RNF19A: variants seen among roughly 807,000 people sequenced by gnomAD.
RNF19A encodes ring finger protein 19A, RBR E3 ubiquitin protein ligase.
A neutral mutation model predicts 75.7 loss-of-function variants in RNF19A; 32 were observed. That is an observed-to-expected ratio of 0.42 (90% CI 0.32 to 0.57). The LOEUF (loss-of-function observed/expected upper bound fraction) is 0.57, where lower values mean the gene tolerates loss of function less well. Ranked by LOEUF, RNF19A falls within the 20% of genes least tolerant of loss-of-function variation. The pLI is 0.10. For synonymous variants in RNF19A, 335 were observed against 345.2 expected (o/e 0.97, Z 0.33); for missense variants, 782 against 1,036.3 (o/e 0.75, Z 3.37).
rs1554675608 is a variant in RNF19A at position 100,317,127 on chromosome 8, G to GCCACACGCAGCCCAGCCCGGGTTC, written c.-242-3756_-242-3755insGAACCCGGGCTGGGCTGCGTGTGG. Among the ~76,000 whole-genome samples the GCCACACGCAGCCCAGCCCGGGTTC allele has an allele frequency of 1.3e-5, 2 of 151,382 alleles. No individual in the cohort carries two copies. Among genetic ancestry groups the GCCACACGCAGCCCAGCCCGGGTTC allele is most frequent in the East Asian group, 3.9e-4 (2 of 5,068 alleles). On this transcript the variant is annotated intron_variant, in intron 1 of 3. Coordinates refer to the RNF19A transcript ENST00000519527. This position sits in a 1 kb window ranked among gnomAD's most constrained non-coding sequence, Gnocchi z 4.3. ...CCGGAACTCCAGCTGGCCCGCAAGC[G>GCCACACGCAGCCCAGCCCGGGTTC]CCGCACGCAGCCCAGCCCGGGTTCC...
chr8:100,274,932 G>A (rs1820430084), intron 3 of RNF19A, 21 bp downstream of exon 3: 1 of 1,558,270 alleles, frequency 6.4e-7, no homozygotes. Context: ...TATTTTATTA[G>A]AAAAAATTAG....
At position 100,269,658 on chromosome 8, in the gene RNF19A, C is replaced by T. The variant is rs1261033922; in HGVS notation, c.1028+211G>A. ...CATACTTACTAGCATTCTAGTTTAA[C>T]AAAAACAAAAAAAGGAAATATCCAT... On this transcript the variant is annotated intron_variant, in intron 4 of 9. Transcript: ENST00000341084. The surrounding 1 kb of genome is among the most constrained non-coding windows in gnomAD (Gnocchi z 5.7). 6.6e-6 allele frequency among the ~76,000 whole-genome samples: 1 copy of T among 151,722 alleles called. No individual in the cohort carries two copies. Among genetic ancestry groups the T allele is most frequent in the Non-Finnish European group, 1.5e-5 (1 of 67,850 alleles).
Position 100,329,625 on chromosome 8 carries a change from G to C in RNF19A, c.-243+6483C>G, listed in dbSNP as rs1172740667. ...ACATGCAAACTAGCATGAATCCAAA[G>C]ACAGACAACTAGGTTAAGAGAAGTC... On this transcript the variant is annotated intron_variant, in intron 1 of 3. Coordinates refer to the RNF19A transcript ENST00000519527. The surrounding 1 kb of genome is among the most constrained non-coding windows in gnomAD (Gnocchi z 4.3). Among the ~76,000 whole-genome samples the C allele has an allele frequency of 6.6e-6, 1 of 152,184 alleles. No homozygotes were observed. The highest frequency in any genetic ancestry group is 1.5e-5 in the Non-Finnish European group (1 of 68,032).
intron 1 of RNF19A, among the ~76,000 whole-genome samples, chr8:100,304,418 C>T (rs1455244136): frequency 2.0e-5 from 3 of 152,060 alleles, no homozygotes; most frequent in African/African-American, 4.8e-5. Flanking sequence ...CATCATATAC[C>T]CTAAGATAAC....
rs1788183 is a variant in RNF19A, at chr8:100,322,690, C to A, written c.-242-9318G>T. Among the ~76,000 whole-genome samples the A allele has an allele frequency of 0.46, 70,461 of 152,050 alleles. 17,292 individuals carry two copies. The highest frequency in any genetic ancestry group is 0.64 in the African/African-American group (26,424 of 41,478). ...TTAATCATTTCTTGTTTTTTGGTTT[C>A]AAGTGAGAGGCATGCAACTCTTCCT... On this transcript the variant is annotated intron_variant, in intron 1 of 3. Coordinates refer to the RNF19A transcript ENST00000519527. The surrounding 1 kb of genome is among the most constrained non-coding windows in gnomAD (Gnocchi z 5.1).
At chr8:100,313,004 A>G (rs1024268910), upstream of RNF19A, among the ~76,000 whole-genome samples, 3 of 152,324 alleles carry the variant, frequency 2.0e-5, no homozygotes, top group Middle Eastern at 3.4e-3. Flanking sequence ...AAGGTTGGAA[A>G]CCACTGCCAG....
Position 100,264,341 on chromosome 8 carries a change from G to C in RNF19A, c.1307-146C>G, listed in dbSNP as rs1819870225. 17 of 694,828 alleles carry C rather than the reference G, an allele frequency of 2.4e-5. No homozygotes were observed. Among genetic ancestry groups the C allele is most frequent in the Non-Finnish European group, 3.7e-5 (16 of 431,154 alleles). 43.0% of individuals were successfully genotyped at this position (694,828 alleles called of 1,614,324 possible). On this transcript the variant is annotated intron_variant, in intron 6 of 9. Coordinates refer to ENST00000341084, the MANE Select transcript of RNF19A (RefSeq NM_183419.4). This position sits in a 1 kb window ranked among gnomAD's most constrained non-coding sequence, Gnocchi z 4.7. The stretch of plus-strand genomic sequence containing the variant: ...TTGGCTGGAACATTTGCCAAAAGTA[G>C]ATTTACCCAGTTGTTAAGCAAATTC...
At chr8:100,311,528 C>CT (rs1822292420), upstream of RNF19A, among the ~76,000 whole-genome samples, 1 of 151,922 alleles carries the variant, frequency 6.6e-6, no homozygotes, top group African/African-American at 2.4e-5. Flanking sequence ...ACCATCCTGG[C>CT]TAACATAGTG....
Position 100,317,256 on chromosome 8 carries a change from G to T in RNF19A, c.-242-3884C>A, listed in dbSNP as rs1436934633. 2.7e-5 allele frequency among the ~76,000 whole-genome samples: 4 copies of T among 149,606 alleles called. No homozygotes were observed. Among genetic ancestry groups the T allele is most frequent in the Non-Finnish European group, 4.5e-5 (3 of 66,926 alleles). On this transcript the variant is annotated intron_variant, in intron 1 of 3. Coordinates refer to the RNF19A transcript ENST00000519527. This position sits in a 1 kb window ranked among gnomAD's most constrained non-coding sequence, Gnocchi z 4.3. ...TCACAGTGCAGTGGTGGGCTGAAGG[G>T]CTCCTCAAATGCCGCCAAAGTGGGA...
At chr8:100,319,971 G>A (rs551441310) in intron 1 of RNF19A, among the ~76,000 whole-genome samples, 1 of 150,784 alleles carries the variant, frequency 6.6e-6, no homozygotes, top group East Asian at 1.9e-4. Context: ...AAGTAGCTGG[G>A]ATTACAGGTG....
At chr8:100,276,910 G>A (rs990540304) in intron 2 of RNF19A, among the ~76,000 whole-genome samples, 1 of 151,908 alleles carries the variant, frequency 6.6e-6, no homozygotes, top group South Asian at 2.1e-4. Flanking sequence ...TTGGTAGATT[G>A]TGTCTATGCC....
In RNF19A at chr8:100,284,514, T is replaced by C. The variant is rs1037421279; in HGVS notation, c.674+2987A>G. The stretch of plus-strand genomic sequence containing the variant: ...ACCAATAACACCAAAAATTAATGTA[T>C]GGCCAAATTAATCACGGACAATTAT... On this transcript the variant is annotated intron_variant, in intron 2 of 9. Coordinates refer to ENST00000341084, the MANE Select transcript of RNF19A (RefSeq NM_183419.4). This position sits in a 1 kb window ranked among gnomAD's most constrained non-coding sequence, Gnocchi z 4.3. Among the ~76,000 whole-genome samples, 7 of 152,278 alleles carry C rather than the reference T, an allele frequency of 4.6e-5. No individual in the cohort carries two copies. The highest frequency in any genetic ancestry group is 1.7e-4 in the African/African-American group (7 of 41,576).
At position 100,324,385 on chromosome 8, in the gene RNF19A, C is replaced by T. The variant is rs1369335572; in HGVS notation, c.-242-11013G>A. Among the ~76,000 whole-genome samples the T allele has an allele frequency of 6.6e-6, 1 of 152,192 alleles. No homozygotes were observed. The highest frequency in any genetic ancestry group is 2.4e-5 in the African/African-American group (1 of 41,456). The stretch of plus-strand genomic sequence containing the variant: ...GATGATTAATCACAAAGAAGTATTT[C>T]TTTTGTTTCCACCTTAATATTTACT... On this transcript the variant is annotated intron_variant, in intron 1 of 3. Coordinates refer to the RNF19A transcript ENST00000519527. This position sits in a 1 kb window ranked among gnomAD's most constrained non-coding sequence, Gnocchi z 4.2.
intron 2 of RNF19A, among the ~76,000 whole-genome samples, chr8:100,285,977 A>G (rs765187918): frequency 1.6e-4 from 25 of 152,200 alleles, no homozygotes; most frequent in Admixed American, 6.5e-4. Context: ...TGACTCACAA[A>G]AAGTTTTTTT....
Position 100,258,542 on chromosome 8 carries a change from C to T in RNF19A, c.*14G>A. On this transcript the variant is annotated 3_prime_UTR_variant, in exon 10 of 10. Transcript: ENST00000341084. This position sits in a 1 kb window ranked among gnomAD's most constrained non-coding sequence, Gnocchi z 4.3. The stretch of plus-strand genomic sequence containing the variant: ...CGGTTGTACAGTGGTAATTATTCTG[C>T]AGCATTTATGGGCCTAAATTTCAGT... 2.5e-6 allele frequency: 4 copies of T among 1,584,786 alleles called. No individual in the cohort carries two copies. The highest frequency in any genetic ancestry group is 3.4e-6 in the Non-Finnish European group (4 of 1,162,756).
At position 100,288,018 on chromosome 8, in the gene RNF19A, A is replaced by G; in HGVS notation, c.157T>C (p.Leu53=). The G allele has an allele frequency of 1.2e-6, 2 of 1,614,182 alleles. No homozygotes were observed. Among genetic ancestry groups the G allele is most frequent in the Non-Finnish European group, 1.7e-6 (2 of 1,180,024 alleles). The change falls in exon 2 of 10, where the codon TTG becomes CTG. Residue 53 remains leucine, a synonymous_variant. Transcript: ENST00000341084. The stretch of plus-strand genomic sequence containing the variant: ...TTGGGTGCCTTTTTGACTGAAGGCA[A>G]GCTCACAGATGAAGCAGAGGACTGA... ...DLQSSASSVS[L]PSVKKAPKKR... is the part of the protein sequence containing the mutation.
chr8:100,311,308 T>C (rs557634285), upstream of RNF19A, among the ~76,000 whole-genome samples: 2 of 152,370 alleles, frequency 1.3e-5, no homozygotes, highest in East Asian at 1.9e-4. Flanking sequence ...AAAGCTGTTA[T>C]ACCTTTAAAT....
intron 2 of RNF19A, among the ~76,000 whole-genome samples, chr8:100,286,889 A>G (rs1481580760): frequency 6.6e-6 from 1 of 152,232 alleles, no homozygotes; most frequent in Non-Finnish European, 1.5e-5. Context: ...CCAACATAAT[A>G]ATCAAATATA....
At chr8:100,291,264 C>T (rs975267627) in intron 1 of RNF19A, among the ~76,000 whole-genome samples, 2 of 152,128 alleles carry the variant, frequency 1.3e-5, no homozygotes, top group Non-Finnish European at 2.9e-5. Context: ...AACCCGGCAC[C>T]GTACTAAATG....
Sources: allele counts gnomAD v4.1 joint callset (sites outside exome capture counted in the v4.1 genomes callset), GRCh38; gene constraint gnomAD v4.1.1; non-coding constraint Gnocchi (gnomAD v3.1); transcripts MANE v1.5; gene names NCBI Gene and HGNC (gene_info 2026-07-23, HGNC 2026-07-21).